FGFBP2: variants seen among roughly 807,000 people sequenced by gnomAD.
The protein encoded by FGFBP2 is fibroblast growth factor-binding protein 2.
Under a neutral mutation model 7.3 loss-of-function variants are expected in FGFBP2, and 7 were observed. That is an observed-to-expected ratio of 0.96 (90% confidence interval 0.55 to 1.81). The LOEUF is 1.81. Among genes scored for constraint, FGFBP2 ranks in the 40% most tolerant of loss-of-function variants. The probability of loss-of-function intolerance (pLI) is 0.00; values close to 1 mark genes in which losing one functional copy is unlikely to be tolerated. For synonymous variants in FGFBP2, 131 were observed against 110.2 expected, an observed-to-expected ratio of 1.19 and a Z score of -1.18; for missense variants, 291 against 280.1, an observed-to-expected ratio of 1.04 and a Z score of -0.28.
rs760291415 is a variant in FGFBP2 at position 15,962,604 on chromosome 4, TGG to T, written c.524_525del (p.Ala175GlufsTer21). 1.2e-6 allele frequency: 2 copies of T among 1,614,074 alleles called. No homozygotes were observed. Among genetic ancestry groups the T allele is most frequent in the Non-Finnish European group, 1.7e-6 (2 of 1,180,008 alleles). Reference sequence around the variant, plus strand: ...TTGGCTGTGGGTCGGGTGGTGGGTTTGGCTTTTCCCAGCTCTTCCATCGAGTC... The same window carrying T: ...TTGGCTGTGGGTCGGGTGGTGGGTTTCTTTTCCCAGCTCTTCCATCGAGTC... Reference protein sequence around the residue: ...GKDSMEELGKAKPTTRPTAKP... With the variant: ...GKDSMEELGKXKPTTRPTAKP... On this transcript the variant is annotated frameshift_variant, in exon 1 of 2. Transcript: ENST00000259989. LOFTEE classifies it low-confidence loss of function (END_TRUNC).
chr4:15,962,927 T>A lies in FGFBP2; in HGVS notation c.203A>T (p.Gln68Leu). ...WLRVDCRNTDQTYWCEYRGQP... is the reference protein window; with the variant it reads ...WLRVDCRNTDLTYWCEYRGQP... ...CCCCCTGTACTCACACCAGTAGGTC[T>A]GGTCTGTGTTGCGGCAGTCGACACG... The change falls in exon 1 of 2, where the codon CAG becomes CTG. Residue 68 changes from glutamine to leucine, a missense_variant. Gln to Leu is a moderately radical substitution (Grantham distance 113). Coordinates refer to ENST00000259989, the MANE Select transcript of FGFBP2 (RefSeq NM_031950.4). 1 of 1,599,136 alleles carries A rather than the reference T, an allele frequency of 6.3e-7. No individual in the cohort carries two copies. The highest frequency in any genetic ancestry group is 8.5e-7 in the Non-Finnish European group (1 of 1,173,816).
chr4:15,963,100 C>T lies in FGFBP2; in HGVS notation c.30G>A (p.Val10=), dbSNP rs1212513086. Residue 10 remains valine (V), a synonymous_variant, in exon 1 of 2, where the codon GTG becomes GTA. Coordinates refer to ENST00000259989, the MANE Select transcript of FGFBP2 (RefSeq NM_031950.4). Reference sequence around the variant, plus strand: ...CCAAAGTCCCCAGGCAGGACAAGGTCACCAGCAGGAGGCAGGGGACGAACT... The same window carrying T: ...CCAAAGTCCCCAGGCAGGACAAGGTTACCAGCAGGAGGCAGGGGACGAACT... The part of the protein sequence containing the change: MKFVPCLLL[V]TLSCLGTLGQ... 1 of 1,606,218 alleles carries T rather than the reference C, an allele frequency of 6.2e-7. No individual in the cohort carries two copies. The highest frequency in any genetic ancestry group is 2.2e-5 in the East Asian group (1 of 44,774).
rs1323918281 is a variant in FGFBP2 at position 15,963,022 on chromosome 4, C to G, written c.108G>C (p.Gln36His). 5 of 1,614,070 alleles carry G rather than the reference C, an allele frequency of 3.1e-6. No individual in the cohort carries two copies. Among genetic ancestry groups the G allele is most frequent in the Non-Finnish European group, 1.7e-6 (2 of 1,180,038 alleles). Residue 36 changes from glutamine to histidine, a missense_variant, in exon 1 of 2, where the codon CAG (glutamine) becomes CAC (histidine). Gln to His is a conservative substitution (Grantham distance 24). Coordinates refer to ENST00000259989, the MANE Select transcript of FGFBP2 (RefSeq NM_031950.4). ...QGSTGEEFHF[Q>H]TGGRDSCTMR... ...TAGTGCAGGAATCTCTCCCTCCAGT[C>G]TGGAAATGGAATTCCTCCCCAGTGC...
Position 15,962,777 on chromosome 4 carries a change from C to G in FGFBP2, c.353G>C (p.Arg118Thr). Residue 118 changes from arginine (R) to threonine (T), a missense_variant, in exon 1 of 2, where the codon AGG becomes ACG. Transcript: ENST00000259989. ...CATATGGGCCTGGGGTCCAGCCTCC[C>G]TGCACACGGATGGCCTAAGCACCGG... ...GAPVLRPSVC[R>T]EAGPQAHMQQ... 2 of 1,599,722 alleles carry G rather than the reference C, an allele frequency of 1.3e-6. No individual in the cohort carries two copies. The highest frequency in any genetic ancestry group is 1.7e-6 in the Non-Finnish European group (2 of 1,172,432).
Position 15,962,965 on chromosome 4 carries a change from T to G in FGFBP2, c.165A>C (p.Gly55=). The change falls in exon 1 of 2, where the codon GGA becomes GGC. Residue 55 remains glycine (G), a synonymous_variant. Coordinates refer to ENST00000259989, the MANE Select transcript of FGFBP2 (RefSeq NM_031950.4). ...GGCAGTCGACACGAAGCCAGACTTC[T>G]CCAGCACCTTGCCCCAAGCTGCTGG... ...MRPSSLGQGA[G]EVWLRVDCRN... is the part of the protein sequence containing the mutation. 1.2e-6 allele frequency: 2 copies of G among 1,612,846 alleles called. No homozygotes were observed. The highest frequency in any genetic ancestry group is 1.7e-6 in the Non-Finnish European group (2 of 1,179,726).
rs1417742964 is a variant in FGFBP2 at position 15,963,081 on chromosome 4, T to C, written c.49A>G (p.Thr17Ala). The C allele has an allele frequency of 6.2e-7, 1 of 1,612,246 alleles. No individual in the cohort carries two copies. The highest frequency in any genetic ancestry group is 8.5e-7 in the Non-Finnish European group (1 of 1,179,074). ...TTTTGCCTCGGGGCCTGACCCAAAG[T>C]CCCCAGGCAGGACAAGGTCACCAGC... ...LLLVTLSCLG[T>A]LGQAPRQKQG... The change falls in exon 1 of 2, where the codon ACT (threonine) becomes GCT (alanine). Residue 17 changes from threonine (T) to alanine (A), a missense_variant. Thr to Ala is a moderately conservative substitution (Grantham distance 58, BLOSUM62 0). Transcript: ENST00000259989.
chr4:15,963,083 C>T lies in FGFBP2; in HGVS notation c.47G>A (p.Gly16Glu), dbSNP rs1180711059. The T allele has an allele frequency of 6.2e-7, 1 of 1,612,330 alleles. No homozygotes were observed. The highest frequency in any genetic ancestry group is 8.5e-7 in the Non-Finnish European group (1 of 1,179,014). The change falls in exon 1 of 2, where the codon GGG (glycine) becomes GAG (glutamate). Residue 16 changes from glycine (G) to glutamate (E), a missense_variant. Physicochemically the swap from Gly to Glu is moderately conservative, Grantham distance 98. Coordinates refer to ENST00000259989, the MANE Select transcript of FGFBP2 (RefSeq NM_031950.4). ...CLLLVTLSCLGTLGQAPRQKQ... is the reference protein window; with the variant it reads ...CLLLVTLSCLETLGQAPRQKQ... The stretch of plus-strand genomic sequence containing the variant: ...TTGCCTCGGGGCCTGACCCAAAGTC[C>T]CCAGGCAGGACAAGGTCACCAGCAG...
chr4:15,962,801 G>C lies in FGFBP2; in HGVS notation c.329C>G (p.Pro110Arg). Residue 110 changes from proline (P) to arginine (R), a missense_variant, in exon 1 of 2, where the codon CCG becomes CGG. By Grantham distance (103) the Pro-to-Arg change is moderately radical (BLOSUM62 -2). Transcript: ENST00000259989. ...CCTGCACACGGATGGCCTAAGCACC[G>C]GGGCCCCCTGGCACGCATGGTGAAG... ...RRLHHACQGA[P>R]VLRPSVCREA... 1 of 1,579,054 alleles carries C rather than the reference G, an allele frequency of 6.3e-7. No individual in the cohort carries two copies. Among genetic ancestry groups the C allele is most frequent in the Non-Finnish European group, 8.6e-7 (1 of 1,162,734 alleles).
In FGFBP2 at chr4:15,962,884, C is replaced by G. The variant is rs1456722113; in HGVS notation, c.246G>C (p.Gln82His). ...AAGGTTTGGGGTCAGCAGCGAAAGC[C>G]TGGCACATGCTGGGCTGCCCCCTGT... ...CEYRGQPSMC[Q>H]AFAADPKPYW... Residue 82 changes from glutamine (Q) to histidine (H), a missense_variant, in exon 1 of 2, where the codon CAG becomes CAC. By Grantham distance (24) the Gln-to-His change is conservative (BLOSUM62 0). Coordinates refer to ENST00000259989, the MANE Select transcript of FGFBP2 (RefSeq NM_031950.4). The G allele has an allele frequency of 6.4e-7, 1 of 1,561,172 alleles. No homozygotes were observed. Among genetic ancestry groups the G allele is most frequent in the African/African-American group, 1.4e-5 (1 of 73,898 alleles).
chr4:15,963,086 A>C lies in FGFBP2; in HGVS notation c.44T>G (p.Leu15Arg). The C allele has an allele frequency of 6.2e-7, 1 of 1,611,466 alleles. No individual in the cohort carries two copies. The highest frequency in any genetic ancestry group is 8.5e-7 in the Non-Finnish European group (1 of 1,178,514). The change falls in exon 1 of 2, where the codon CTG becomes CGG. Residue 15 changes from leucine to arginine, a missense_variant. By Grantham distance (102) the Leu-to-Arg change is moderately radical. Transcript: ENST00000259989. ...CCTCGGGGCCTGACCCAAAGTCCCC[A>C]GGCAGGACAAGGTCACCAGCAGGAG... is the stretch of plus-strand genomic sequence containing the variant. Reference protein sequence around the residue: ...PCLLLVTLSCLGTLGQAPRQK... With the variant: ...PCLLLVTLSCRGTLGQAPRQK...
Position 15,962,769 on chromosome 4 carries a change from C to T in FGFBP2, c.361G>A (p.Gly121Arg). The change falls in exon 1 of 2, where the codon GGA becomes AGA. Residue 121 changes from glycine to arginine, a missense_variant. Gly to Arg is a moderately radical substitution (Grantham distance 125). Transcript: ENST00000259989. ...ACCTGCTGCATATGGGCCTGGGGTC[C>T]AGCCTCCCTGCACACGGATGGCCTA... ...VLRPSVCREA[G>R]PQAHMQQVTS... 1 of 1,603,232 alleles carries T rather than the reference C, an allele frequency of 6.2e-7. No individual in the cohort carries two copies. Among genetic ancestry groups the T allele is most frequent in the Non-Finnish European group, 8.5e-7 (1 of 1,174,212 alleles).
rs199943347 is a variant in FGFBP2 at position 15,962,627 on chromosome 4, G to T, written c.503C>A (p.Ser168Ter). The T allele has an allele frequency of 1.2e-6, 2 of 1,614,136 alleles. No homozygotes were observed. The highest frequency in any genetic ancestry group is 2.2e-5 in the East Asian group (1 of 44,874). The part of the protein sequence containing the change: ...LTEATQLGKD[S>*]MEELGKAKPT... ...TTTGGCTTTTCCCAGCTCTTCCATC[G>T]AGTCCTTTCCCAGCTGTGTTGCTTC... Residue 168 changes from serine (S) to a stop codon, truncating the protein, a stop_gained, in exon 1 of 2, where the codon TCG (serine) becomes TAG (stop). Coordinates refer to ENST00000259989, the MANE Select transcript of FGFBP2 (RefSeq NM_031950.4). LOFTEE classifies it low-confidence loss of function (END_TRUNC).
In FGFBP2 at chr4:15,962,443, G is replaced by C. The variant is rs375809442; in HGVS notation, c.*15C>G. 23 of 1,540,896 alleles carry C rather than the reference G, an allele frequency of 1.5e-5. No individual in the cohort carries two copies. The highest frequency in any genetic ancestry group is 2.0e-5 in the Admixed American group (1 of 49,450). ...AGTAAAGGAAAGGGTATTACCTGTAGGGGTCTTTCACCTGTCACCCTCGGA... is the reference window on the plus strand; with the variant it reads ...AGTAAAGGAAAGGGTATTACCTGTACGGGTCTTTCACCTGTCACCCTCGGA... On this transcript the variant is annotated 3_prime_UTR_variant, in exon 1 of 2. Coordinates refer to ENST00000259989, the MANE Select transcript of FGFBP2 (RefSeq NM_031950.4).
chr4:15,961,399 C>A (rs1237990016), intron 1 of FGFBP2, among the ~76,000 whole-genome samples: 1 of 151,974 alleles, frequency 6.6e-6, no homozygotes, highest in African/African-American at 2.4e-5. Flanking sequence ...TGGGACAGAT[C>A]TGAAATCTTA....
At chr4:15,962,411 G>A (rs778819151) in intron 1 of FGFBP2, 27 bp downstream of exon 1, 1 of 1,503,630 alleles carries the variant, frequency 6.7e-7, no homozygotes, top group Non-Finnish European at 8.9e-7. Context: ...CGTAGTCTCT[G>A]TATATGAGTA....
rs1485472143 is a variant in FGFBP2, at chr4:15,963,112, G to A, written c.18C>T (p.Cys6=). 6.2e-7 allele frequency: 1 copy of A among 1,600,202 alleles called. No homozygotes were observed. Among genetic ancestry groups the A allele is most frequent in the Non-Finnish European group, 8.5e-7 (1 of 1,171,892 alleles). Residue 6 remains cysteine, a synonymous_variant, in exon 1 of 2, where the codon TGC becomes TGT. Coordinates refer to ENST00000259989, the MANE Select transcript of FGFBP2 (RefSeq NM_031950.4). MKFVP[C]LLLVTLSCLG... ...GGCAGGACAAGGTCACCAGCAGGAG[G>A]CAGGGGACGAACTTCATGGCGATAC...
chr4:15,962,650 T>A lies in FGFBP2; in HGVS notation c.480A>T (p.Glu160Asp). 1 of 1,614,212 alleles carries A rather than the reference T, an allele frequency of 6.2e-7. No homozygotes were observed. The highest frequency in any genetic ancestry group is 2.2e-5 in the East Asian group (1 of 44,872). Residue 160 changes from glutamate to aspartate, a missense_variant, in exon 1 of 2, where the codon GAA becomes GAT. Glu to Asp is a conservative substitution (Grantham distance 45). Coordinates refer to ENST00000259989, the MANE Select transcript of FGFBP2 (RefSeq NM_031950.4). ...TCGAGTCCTTTCCCAGCTGTGTTGC[T>A]TCTGTGAGTTTCACTGTGGCCTTGG... The part of the protein sequence containing the change: ...LRPKATVKLT[E>D]ATQLGKDSME...
chr4:15,962,553 C>T lies in FGFBP2; in HGVS notation c.577G>A (p.Gly193Arg), dbSNP rs151064854. The change falls in exon 1 of 2, where the codon GGA becomes AGA. Residue 193 changes from glycine to arginine, a missense_variant. By Grantham distance (125) the Gly-to-Arg change is moderately radical. Transcript: ENST00000259989. ...TTCTTCTTTGCTTCCTCATTCCCTC[C>T]GGGCCTGGGTCCAGGCTGGGTAGGT... ...AKPTQPGPRPGGNEEAKKKAW... is the reference protein window; with the variant it reads ...AKPTQPGPRPRGNEEAKKKAW... 1,292 of 1,613,736 alleles carry T rather than the reference C, an allele frequency of 8.0e-4. No individual in the cohort carries two copies. Among genetic ancestry groups the T allele is most frequent in the Non-Finnish European group, 1.1e-3 (1,244 of 1,179,738 alleles).
In FGFBP2 at chr4:15,962,795, A is replaced by T; in HGVS notation, c.335T>A (p.Leu112His). ...LHHACQGAPVLRPSVCREAGP... is the reference protein window; with the variant it reads ...LHHACQGAPVHRPSVCREAGP... ...AGCCTCCCTGCACACGGATGGCCTA[A>T]GCACCGGGGCCCCCTGGCACGCATG... Residue 112 changes from leucine (L) to histidine (H), a missense_variant, in exon 1 of 2, where the codon CTT (leucine) becomes CAT (histidine). Physicochemically the swap from Leu to His is moderately conservative, Grantham distance 99. Transcript: ENST00000259989. 5 of 1,585,374 alleles carry T rather than the reference A, an allele frequency of 3.2e-6. No homozygotes were observed. The highest frequency in any genetic ancestry group is 4.3e-6 in the Non-Finnish European group (5 of 1,165,350).
Sources: allele counts gnomAD v4.1 joint callset (sites outside exome capture counted in the v4.1 genomes callset), GRCh38; gene constraint gnomAD v4.1.1; transcripts MANE v1.5; gene names NCBI Gene and HGNC (gene_info 2026-07-23, HGNC 2026-07-21).